ARHGAP11B: variants seen among roughly 807,000 people sequenced by gnomAD.
ARHGAP11B encodes the protein Rho GTPase activating protein 11B.
Under a neutral mutation model 27.6 loss-of-function variants are expected in ARHGAP11B, and 14 were observed. The ratio of observed to expected loss-of-function variants is 0.51; its 90% CI spans 0.34 to 0.79. ARHGAP11B has a LOEUF of 0.79. Ranked by LOEUF, ARHGAP11B falls within the 30% of genes least tolerant of loss-of-function variation. ARHGAP11B has a pLI of 0.02. For synonymous variants in ARHGAP11B, 82 were observed against 114.1 expected (o/e 0.72, Z 1.80); for missense variants, 245 against 320.1 (o/e 0.77, Z 1.79).
At chr15:30,645,321 A>C (rs2060340545) in intron 8 of ARHGAP11B, among the ~76,000 whole-genome samples, 1 of 151,964 alleles carries the variant, frequency 6.6e-6, no homozygotes, top group Non-Finnish European at 1.5e-5. Context: ...GATTTGAAAT[A>C]AATTTAAAAT....
chr15:30,629,879 C>T (rs545628198), intron 1 of ARHGAP11B, among the ~76,000 whole-genome samples: 78 of 152,148 alleles, frequency 5.1e-4, no homozygotes, highest in Non-Finnish European at 6.3e-4. Context: ...GTTTGAATAA[C>T]CAGACATTTA....
At chr15:30,630,853 G>C in intron 2 of ARHGAP11B, 80 bp downstream of exon 2, 1 of 1,607,958 alleles carries the variant, frequency 6.2e-7, no homozygotes, top group East Asian at 2.2e-5. Flanking sequence ...GCCGAGGTGG[G>C]CAGATCACTT....
exon 3 of ARHGAP11B, chr15:30,633,528 T>C: frequency 1.2e-6 from 2 of 1,613,496 alleles, no homozygotes; most frequent in South Asian, 1.1e-5. Flanking sequence ...GAAGAACATA[T>C]TCATACCGAA....
At chr15:30,630,863 T>C in intron 2 of ARHGAP11B, 90 bp downstream of exon 2, 1 of 1,604,858 alleles carries the variant, frequency 6.2e-7, no homozygotes, top group Non-Finnish European at 8.5e-7. Flanking sequence ...GCAGATCACT[T>C]GAGTCCGGGA....
chr15:30,630,606 T>G, intron 1 of ARHGAP11B, 97 bp from the exon 2 acceptor site: 2 of 1,574,522 alleles, frequency 1.3e-6, no homozygotes, highest in Non-Finnish European at 1.7e-6. Flanking sequence ...ATTTCTGATT[T>G]TTTTTAATTT....
intron 3 of ARHGAP11B, among the ~76,000 whole-genome samples, 172 bp downstream of exon 3, chr15:30,633,758 G>A (rs868481105): frequency 1.3e-4 from 19 of 150,776 alleles, no homozygotes; most frequent in African/African-American, 2.0e-4. Context: ...TATTTCTATC[G>A]TGCTTTAAAA....
chr15:30,631,912 G>A (rs1380461449), intron 2 of ARHGAP11B, among the ~76,000 whole-genome samples: 3 of 148,480 alleles, frequency 2.0e-5, no homozygotes, highest in East Asian at 2.1e-4. Flanking sequence ...TCAGCCTCCC[G>A]AGTAGCTGGG....
intron 8 of ARHGAP11B, among the ~76,000 whole-genome samples, chr15:30,645,478 A>G (rs1595680287): frequency 6.6e-6 from 1 of 152,034 alleles, no homozygotes; most frequent in Admixed American, 6.6e-5. Context: ...AAGTAGGTCT[A>G]TTTATGCAAA....
intron 1 of ARHGAP11B, among the ~76,000 whole-genome samples, chr15:30,628,799 C>T (rs2060225333): frequency 6.6e-6 from 1 of 152,052 alleles, no homozygotes; most frequent in African/African-American, 2.4e-5. Flanking sequence ...TGTTAGCTAA[C>T]TGTAGTTTTA....
intron 7 of ARHGAP11B, among the ~76,000 whole-genome samples, chr15:30,643,356 G>T (rs1390322098): frequency 6.7e-6 from 1 of 149,212 alleles, no homozygotes; most frequent in Admixed American, 6.8e-5. Flanking sequence ...TCAGCTCACT[G>T]CAACCTCTGC....
In ARHGAP11B at chr15:30,626,248, C is replaced by T. The variant is rs1262041040; in HGVS notation, c.-573C>T. On this transcript the variant is annotated 5_prime_UTR_variant, in exon 1 of 11. It adds an upstream start codon to the 5' untranslated region. Coordinates refer to ENST00000428041, the Ensembl canonical transcript of ARHGAP11B. The stretch of plus-strand genomic sequence containing the variant: ...AGAGGCAGGCTGATGGGGGAGGGAA[C>T]GAGCAGCCTGTGAGACGGGGTGACG... The T allele has an allele frequency of 6.5e-6, 1 of 152,698 alleles. No individual in the cohort carries two copies. The highest frequency in any genetic ancestry group is 1.5e-5 in the Non-Finnish European group (1 of 68,292). The allele number at this position is 152,698 out of a possible 1,614,324, so 9.5% of individuals were successfully genotyped here.
exon 4 of ARHGAP11B, chr15:30,634,302 G>C: frequency 6.2e-7 from 1 of 1,613,314 alleles, no homozygotes; most frequent in South Asian, 1.1e-5. Flanking sequence ...ACTTTTGAAA[G>C]CTCAACAGTT....
chr15:30,626,352 G>A (rs1015311271), exon 1 of ARHGAP11B: 1 of 154,596 alleles, frequency 6.5e-6, no homozygotes, highest in Non-Finnish European at 1.4e-5. Context: ...AGGCTAGGGC[G>A]GGGGCGAGCG....
chr15:30,630,566 A>G, intron 1 of ARHGAP11B, 137 bp from the exon 2 acceptor site: 1 of 1,483,250 alleles, frequency 6.7e-7, no homozygotes, highest in South Asian at 1.3e-5. Context: ...TGAAATGATT[A>G]TTTTTGTCTT....
chr15:30,647,889 T>G (rs925105361), intron 10 of ARHGAP11B, among the ~76,000 whole-genome samples: 2 of 152,060 alleles, frequency 1.3e-5, no homozygotes, highest in Non-Finnish European at 2.9e-5. Flanking sequence ...TTAGAATATT[T>G]AAAAATAACC....
chr15:30,634,475 C>T lies in ARHGAP11B; in HGVS notation c.551+52C>T, dbSNP rs776990404. On this transcript the variant is annotated intron_variant, in intron 4 of 10. Coordinates refer to ENST00000428041, the Ensembl canonical transcript of ARHGAP11B. ...AATAATAGTTGAATTTTTCAACTAA[C>T]GTTTTATGCTTGTAGATATGTACAA... 108 of 1,539,950 alleles carry T rather than the reference C, an allele frequency of 7.0e-5. 1 individual carries two copies. The highest frequency in any genetic ancestry group is 1.4e-4 in the South Asian group (12 of 85,074).
At chr15:30,644,138 T>A (rs1036536936) in intron 7 of ARHGAP11B, among the ~76,000 whole-genome samples, 14 of 151,778 alleles carry the variant, frequency 9.2e-5, no homozygotes, top group African/African-American at 3.1e-4. Context: ...AAAAAAAAAA[T>A]TCTTTCTGTC....
Position 30,647,281 on chromosome 15 carries a change from C to A in ARHGAP11B, c.*325-387C>A, listed in dbSNP as rs575197616. 3.6e-3 allele frequency among the ~76,000 whole-genome samples: 550 copies of A among 152,004 alleles called. 8 individuals carry two copies. The highest frequency in any genetic ancestry group is 0.013 in the African/African-American group (528 of 41,492). The stretch of plus-strand genomic sequence containing the variant: ...CATCGATTGGCAGAGTTTTTGGAGT[C>A]ATCCTCAGAAAGGAATTACGGTGGT... On this transcript the variant is annotated intron_variant, in intron 9 of 10. Coordinates refer to ENST00000428041, the Ensembl canonical transcript of ARHGAP11B.
chr15:30,627,979 T>C (rs1048128261), intron 1 of ARHGAP11B, among the ~76,000 whole-genome samples: 8 of 151,900 alleles, frequency 5.3e-5, no homozygotes, highest in African/African-American at 1.9e-4. Context: ...TTTTTTCTGA[T>C]TGTAAAACTG....
Sources: allele counts gnomAD v4.1 joint callset (sites outside exome capture counted in the v4.1 genomes callset), GRCh38; gene constraint gnomAD v4.1.1; transcripts MANE v1.5; gene names NCBI Gene and HGNC (gene_info 2026-07-23, HGNC 2026-07-21).